Variants in MTUS2 observed in about 807,000 individuals in gnomAD.
MTUS2 encodes microtubule-associated tumor suppressor candidate 2.
In MTUS2, 40 loss-of-function variants were observed where a neutral mutation model predicts 114.1. The observed-to-expected ratio is 0.35, with a 90% CI of 0.27 to 0.46. The LOEUF (loss-of-function observed/expected upper bound fraction) is 0.46, where lower values mean the gene tolerates loss of function less well. Ranked by LOEUF, MTUS2 falls within the 20% of genes least tolerant of loss-of-function variation. MTUS2 has a pLI of 1.00. For synonymous variants in MTUS2, 688 were observed against 672.0 expected (o/e 1.02, Z -0.37); for missense variants, 1,679 against 1,705.4 (o/e 0.98, Z 0.27).
rs1870042514 is a variant in MTUS2, at chr13:29,359,406, G to A, written c.3050G>A (p.Gly1017Glu). ...QQTRQLGVAQ[G>E]ELKRAICGFD... The stretch of plus-strand genomic sequence containing the variant: ...ACCAGACAGCTGGGCGTTGCGCAAG[G>A]GGAGCTGAAGAGGGCCATCTGCGGC... The change falls in exon 8 of 16, where the codon GGG becomes GAG. Residue 1017 changes from glycine to glutamate, a missense_variant. Physicochemically the swap from Gly to Glu is moderately conservative, Grantham distance 98. This residue lies in a region of MTUS2 where 822 missense variants were observed against 899.7 expected (regional missense o/e 0.91). Coordinates refer to ENST00000612955, the MANE Select transcript of MTUS2 (RefSeq NM_001033602.4). 1 of 1,613,662 alleles carries A rather than the reference G, an allele frequency of 6.2e-7. No homozygotes were observed. The highest frequency in any genetic ancestry group is 2.2e-5 in the East Asian group (1 of 44,884).
rs571828732 is a variant in MTUS2, at chr13:29,443,386, G to C, written c.3184+3337G>C. ...GCCAAGTGCAAGGCTGCTTCTCTCT[G>C]TGCTTTCCTGAAGCTTCTAAATGCA... On this transcript the variant is annotated intron_variant, in intron 9 of 15. Transcript: ENST00000612955. 2.6e-5 allele frequency among the ~76,000 whole-genome samples: 4 copies of C among 152,312 alleles called. No homozygotes were observed. The East Asian group carries it at 7.7e-4, about 29-fold the overall frequency.
At chr13:28,964,408 A>G (rs1883479130) in intron 2 of MTUS2, among the ~76,000 whole-genome samples, 1 of 152,066 alleles carries the variant, frequency 6.6e-6, no homozygotes, top group Non-Finnish European at 1.5e-5. Flanking sequence ...TGTAAATTGG[A>G]TTGTGTCATT....
At chr13:29,109,395 A>C (rs1040346071) in intron 5 of MTUS2, among the ~76,000 whole-genome samples, 2 of 152,168 alleles carry the variant, frequency 1.3e-5, no homozygotes, top group South Asian at 4.2e-4. Flanking sequence ...AATCAACCCC[A>C]TGCTGTATAT....
chr13:28,933,417 C>T (rs9550419), intron 2 of MTUS2, among the ~76,000 whole-genome samples: 12,738 of 152,228 alleles, frequency 0.084, 594 homozygotes, highest in South Asian at 0.13. Context: ...TTCCACTGAT[C>T]GGATAAGGCC....
intron 4 of MTUS2, among the ~76,000 whole-genome samples, chr13:29,047,556 C>G (rs1291842026): frequency 6.8e-6 from 1 of 147,236 alleles, no homozygotes; most frequent in African/African-American, 2.5e-5. Context: ...CTGTGTCGCT[C>G]AGGCTGGAGT....
intron 5 of MTUS2, among the ~76,000 whole-genome samples, chr13:29,243,902 TGG>T (rs1034086158): frequency 5.9e-5 from 9 of 152,158 alleles, no homozygotes; most frequent in African/African-American, 1.9e-4. Flanking sequence ...ATTGATAGAA[TGG>T]TATTTCAGAG....
intron 3 of MTUS2, among the ~76,000 whole-genome samples, chr13:29,032,504 A>G (rs2138515505): frequency 6.6e-6 from 1 of 152,360 alleles, no homozygotes; most frequent in South Asian, 2.1e-4. Flanking sequence ...CCAGAGATTG[A>G]TAGTGAGAGT....
chr13:29,459,270 TC>T (rs1361217530), intron 9 of MTUS2, among the ~76,000 whole-genome samples: 1 of 152,182 alleles, frequency 6.6e-6, no homozygotes, highest in Non-Finnish European at 1.5e-5. Context: ...ACTTTGTGGC[TC>T]AGTTATTGAC....
chr13:29,201,680 C>G (rs968921037), intron 5 of MTUS2, among the ~76,000 whole-genome samples: 1 of 152,160 alleles, frequency 6.6e-6, no homozygotes, highest in Non-Finnish European at 1.5e-5. Flanking sequence ...CCTTCAGGAG[C>G]TCTTGTAAGG....
At chr13:29,054,988 C>T (rs187710820) in intron 4 of MTUS2, among the ~76,000 whole-genome samples, 295 of 152,102 alleles carry the variant, frequency 1.9e-3, no homozygotes, top group African/African-American at 3.6e-3. Flanking sequence ...CTATTTTATA[C>T]TCACAAGTAT....
At chr13:29,491,969 TGTG>T (rs1430058587) in intron 11 of MTUS2, among the ~76,000 whole-genome samples, 2 of 144,122 alleles carry the variant, frequency 1.4e-5, no homozygotes, top group Non-Finnish European at 3.0e-5. Flanking sequence ...GTGTATGTGA[TGTG>T]TGTGGTAGGT....
At chr13:29,001,932 G>C (rs1454965435) in intron 2 of MTUS2, among the ~76,000 whole-genome samples, 1 of 151,750 alleles carries the variant, frequency 6.6e-6, no homozygotes, top group East Asian at 1.9e-4. Flanking sequence ...GGTCGCCTCT[G>C]TATCTCACAT....
At chr13:29,472,170 A>G (rs531682879) in intron 9 of MTUS2, among the ~76,000 whole-genome samples, 1 of 152,184 alleles carries the variant, frequency 6.6e-6, no homozygotes, top group African/African-American at 2.4e-5. Flanking sequence ...GATTACAGGC[A>G]CGTGCCACCA....
intron 12 of MTUS2, among the ~76,000 whole-genome samples, chr13:29,494,469 G>C (rs970429018): frequency 2.0e-5 from 3 of 152,022 alleles, no homozygotes; most frequent in Admixed American, 1.3e-4. Context: ...TGCCTGACGA[G>C]TTTGCTGTTG....
intron 8 of MTUS2, among the ~76,000 whole-genome samples, chr13:29,369,715 A>G (rs1871048527): frequency 6.6e-6 from 1 of 152,240 alleles, no homozygotes; most frequent in South Asian, 2.1e-4. Context: ...CCAGGAGAAG[A>G]AAGAAAAACA....
intron 3 of MTUS2, among the ~76,000 whole-genome samples, chr13:29,028,347 C>T (rs1050787594): frequency 9.6e-6 from 1 of 103,924 alleles, no homozygotes; most frequent in Admixed American, 9.6e-5. Context: ...GCGACTCAGT[C>T]TCAAAAACAA....
At chr13:29,243,397 TAA>T (rs1896800026) in intron 5 of MTUS2, among the ~76,000 whole-genome samples, 2 of 152,140 alleles carry the variant, frequency 1.3e-5, no homozygotes, top group Admixed American at 1.3e-4. Context: ...AAATGCAGCA[TAA>T]AGACCCAGGA....
Position 28,966,066 on chromosome 13 carries a change from T to C in MTUS2, c.-242-58391T>C, listed in dbSNP as rs150821146. 1.4e-4 allele frequency among the ~76,000 whole-genome samples: 22 copies of C among 152,296 alleles called. No homozygotes were observed. In the East Asian group the frequency reaches 4.1e-3, roughly 28 times the overall value. ...AGATTTCTGGAATATCTGGTAAAAATGAAATGTTTATATTTTCCCTACCAT... is the reference window on the plus strand; with the variant it reads ...AGATTTCTGGAATATCTGGTAAAAACGAAATGTTTATATTTTCCCTACCAT... On this transcript the variant is annotated intron_variant, in intron 2 of 15. Transcript: ENST00000612955.
intron 2 of MTUS2, among the ~76,000 whole-genome samples, chr13:28,857,046 T>C (rs1876677004): frequency 6.6e-6 from 1 of 152,208 alleles, no homozygotes; most frequent in Admixed American, 6.5e-5. Flanking sequence ...AGCTGGTGTT[T>C]CCTGAAGGGG....
Sources: gnomAD v4.1 joint callset for allele counts (sites outside exome capture counted in the v4.1 genomes callset) on GRCh38, gnomAD v4.1.1 for gene constraint, gnomAD v4.1.1 regional missense constraint, MANE v1.5 for transcripts, NCBI Gene and HGNC (gene_info 2026-07-23, HGNC 2026-07-21) for gene names.